Variants in FASLG observed in about 807,000 individuals in gnomAD.
The protein encoded by FASLG is tumor necrosis factor ligand superfamily member 6.
FASLG carries 9 observed loss-of-function variants against 24.6 expected under a neutral mutation model. The ratio of observed to expected loss-of-function variants is 0.37; its 90% CI spans 0.22 to 0.64. FASLG has a LOEUF of 0.64. Ranked by LOEUF, FASLG falls within the 30% of genes least tolerant of loss-of-function variation. FASLG has a pLI of 0.64. For synonymous variants in FASLG, 130 were observed against 135.5 expected (o/e 0.96, Z 0.28); for missense variants, 306 against 345.3 (o/e 0.89, Z 0.90).
Position 172,665,986 on chromosome 1 carries a change from T to G in FASLG, c.816T>G (p.Ser272=). 1 of 1,614,166 alleles carries G rather than the reference T, an allele frequency of 6.2e-7. No individual in the cohort carries two copies. Among genetic ancestry groups the G allele is most frequent in the Non-Finnish European group, 8.5e-7 (1 of 1,180,018 alleles). The change falls in exon 4 of 4, where the codon TCT becomes TCG. Residue 272 remains serine (S), a synonymous_variant. Coordinates refer to ENST00000367721, the MANE Select transcript of FASLG (RefSeq NM_000639.3). ...TCTCTCTGGTCAATTTTGAGGAATC[T>G]CAGACGTTTTTCGGCTTATATAAGC... ...SELSLVNFEE[S]QTFFGLYKL
intron 2 of FASLG, 29 bp downstream of exon 2, chr1:172,660,169 T>C (rs1437453647): frequency 6.2e-7 from 1 of 1,606,888 alleles, no homozygotes; most frequent in African/African-American, 1.3e-5. Context: ...GTACATTGAG[T>C]TCCCAAAGAT....
chr1:172,666,041 A>G lies in FASLG; in HGVS notation c.*25A>G, dbSNP rs1659255838. Reference sequence around the variant, plus strand: ...AGAGAAGCACTTTGGGATTCTTTCCATTATGATTCTTTGTTACAGGCACCG... The same window carrying G: ...AGAGAAGCACTTTGGGATTCTTTCCGTTATGATTCTTTGTTACAGGCACCG... On this transcript the variant is annotated 3_prime_UTR_variant, in exon 4 of 4. Transcript: ENST00000367721. 1 of 1,613,362 alleles carries G rather than the reference A, an allele frequency of 6.2e-7. No homozygotes were observed. The highest frequency in any genetic ancestry group is 1.3e-5 in the African/African-American group (1 of 74,898).
intron 2 of FASLG, among the ~76,000 whole-genome samples, chr1:172,664,088 G>A (rs1361015374): frequency 6.6e-6 from 1 of 152,092 alleles, no homozygotes; most frequent in Non-Finnish European, 1.5e-5. Flanking sequence ...TATTAATTAT[G>A]TTTTATTGTA....
chr1:172,660,016 G>T, intron 1 of FASLG, 79 bp from the exon 2 acceptor site: 1 of 1,425,240 alleles, frequency 7.0e-7, no homozygotes, highest in Non-Finnish European at 9.8e-7. Context: ...TCCAGGGCTT[G>T]GTTTATTTGA....
chr1:172,661,948 A>G (rs1659152027), intron 2 of FASLG, among the ~76,000 whole-genome samples: 1 of 152,164 alleles, frequency 6.6e-6, no homozygotes, highest in South Asian at 2.1e-4. Flanking sequence ...TCTTAAGAAA[A>G]TAATCAGAGA....
intron 2 of FASLG, among the ~76,000 whole-genome samples, chr1:172,662,540 C>T (rs555315622): frequency 6.6e-6 from 1 of 151,512 alleles, no homozygotes; most frequent in East Asian, 2.0e-4. Flanking sequence ...TAAGTACAAC[C>T]TGAGAATCTT....
At chr1:172,663,604 G>A (rs1022837680) in intron 2 of FASLG, among the ~76,000 whole-genome samples, 1 of 152,200 alleles carries the variant, frequency 6.6e-6, no homozygotes, top group Non-Finnish European at 1.5e-5. Context: ...CCCGTTGTGT[G>A]GCAATGCTCA....
chr1:172,665,799 A>C lies in FASLG; in HGVS notation c.629A>C (p.Lys210Thr). 6.2e-7 allele frequency: 1 copy of C among 1,614,168 alleles called. No individual in the cohort carries two copies. Residue 210 changes from lysine (K) to threonine (T), a missense_variant, in exon 4 of 4, where the codon AAG becomes ACG. Coordinates refer to ENST00000367721, the MANE Select transcript of FASLG (RefSeq NM_000639.3). Reference protein sequence around the residue: ...QSCNNLPLSHKVYMRNSKYPQ... With the variant: ...QSCNNLPLSHTVYMRNSKYPQ... ...TGCAACAACCTGCCCCTGAGCCACA[A>C]GGTCTACATGAGGAACTCTAAGTAT...
Position 172,665,910 on chromosome 1 carries a change from C to T in FASLG, c.740C>T (p.Ala247Val). The T allele has an allele frequency of 6.2e-7, 1 of 1,611,688 alleles. No individual in the cohort carries two copies. The highest frequency in any genetic ancestry group is 8.5e-7 in the Non-Finnish European group (1 of 1,178,100). Residue 247 changes from alanine (A) to valine (V), a missense_variant, in exon 4 of 4, where the codon GCA (alanine) becomes GTA (valine). Ala to Val is a moderately conservative substitution (Grantham distance 64). Coordinates refer to ENST00000367721, the MANE Select transcript of FASLG (RefSeq NM_000639.3). ...QMWARSSYLG[A>V]VFNLTSADHL... ...TGGGCCCGCAGCAGCTACCTGGGGG[C>T]AGTGTTCAATCTTACCAGTGCTGAT... is the stretch of plus-strand genomic sequence containing the variant.
chr1:172,665,418 C>T (rs2101810350), intron 3 of FASLG, among the ~76,000 whole-genome samples: 1 of 152,000 alleles, frequency 6.6e-6, no homozygotes, highest in East Asian at 1.9e-4. Flanking sequence ...ACTATTGTTC[C>T]AATTGTGTGG....
rs552315878 is a variant in FASLG, at chr1:172,666,130, C to G, written c.*114C>G. 3.1e-6 allele frequency: 4 copies of G among 1,303,324 alleles called. No individual in the cohort carries two copies. The African/African-American group carries it at 4.4e-5, about 14-fold the overall frequency. 80.7% of individuals were successfully genotyped at this position (1,303,324 alleles called of 1,614,324 possible). On this transcript the variant is annotated 3_prime_UTR_variant, in exon 4 of 4. Transcript: ENST00000367721. The stretch of plus-strand genomic sequence containing the variant: ...TGAGGTCAAGTAAGAAGACATGAAC[C>G]AAGTGGACCTTGAGACCACAGGGTT...
chr1:172,665,488 C>A, intron 3 of FASLG, 134 bp from the exon 4 acceptor site: 1 of 986,856 alleles, frequency 1.0e-6, no homozygotes, highest in Non-Finnish European at 1.5e-6. Flanking sequence ...TCTGACCCCT[C>A]AGCCAGTTCT....
rs923706661 is a variant in FASLG at position 172,666,397 on chromosome 1, C to T, written c.*381C>T. The T allele has an allele frequency of 4.6e-6, 1 of 215,978 alleles. No homozygotes were observed. Among genetic ancestry groups the T allele is most frequent in the African/African-American group, 2.3e-5 (1 of 44,264 alleles). 13.4% of individuals were successfully genotyped at this position (215,978 alleles called of 1,614,324 possible). ...CTCAAGGGGGACTGTCTTTCAGATACATGGTTGTGACCTGAGGATTTAAGG... is the reference window on the plus strand; with the variant it reads ...CTCAAGGGGGACTGTCTTTCAGATATATGGTTGTGACCTGAGGATTTAAGG... On this transcript the variant is annotated 3_prime_UTR_variant, in exon 4 of 4. Transcript: ENST00000367721.
intron 2 of FASLG, among the ~76,000 whole-genome samples, chr1:172,662,046 C>T (rs1408838454): frequency 6.6e-6 from 1 of 151,864 alleles, no homozygotes; most frequent in East Asian, 1.9e-4. Context: ...TTGAATGCCT[C>T]ATACGAGATT....
At position 172,666,128 on chromosome 1, in the gene FASLG, A is replaced by G; in HGVS notation, c.*112A>G. The G allele has an allele frequency of 7.6e-7, 1 of 1,308,916 alleles. No homozygotes were observed. Among genetic ancestry groups the G allele is most frequent in the Non-Finnish European group, 1.1e-6 (1 of 931,196 alleles). 81.1% of individuals were successfully genotyped at this position (1,308,916 alleles called of 1,614,324 possible). A position where few individuals can be genotyped will look rare whatever the true frequency, so the allele number is the denominator to read the frequency against. ...TTTGAGGTCAAGTAAGAAGACATGA[A>G]CCAAGTGGACCTTGAGACCACAGGG... On this transcript the variant is annotated 3_prime_UTR_variant, in exon 4 of 4. Coordinates refer to ENST00000367721, the MANE Select transcript of FASLG (RefSeq NM_000639.3).
chr1:172,666,628 T>A lies in FASLG; in HGVS notation c.*612T>A, dbSNP rs868507856. 7,346 of 154,222 alleles carry A rather than the reference T, an allele frequency of 0.048. 594 individuals are homozygous for A. The highest frequency in any genetic ancestry group is 0.17 in the African/African-American group (6,981 of 41,192). The allele number at this position is 154,222 out of a possible 1,614,324, so 9.6% of individuals were successfully genotyped here. On this transcript the variant is annotated 3_prime_UTR_variant, in exon 4 of 4. Transcript: ENST00000367721. The stretch of plus-strand genomic sequence containing the variant: ...GTGCAATTGTAGGGGTGTGTGTGTG[T>A]GTGTGTGTGTGTGTGTGTGTATGAC...
At chr1:172,660,243 T>C in intron 2 of FASLG, 103 bp downstream of exon 2, 1 of 1,165,026 alleles carries the variant, frequency 8.6e-7, no homozygotes, top group Non-Finnish European at 1.3e-6. Flanking sequence ...TTGGTTTCTG[T>C]ACACTATAAG....
At chr1:172,665,541 G>C in intron 3 of FASLG, 81 bp from the exon 4 acceptor site, 1 of 1,515,212 alleles carries the variant, frequency 6.6e-7, no homozygotes, top group Non-Finnish European at 9.1e-7. Flanking sequence ...TGAAGGAAGG[G>C]CCCACAGTTT....
Position 172,666,018 on chromosome 1 carries a change from A to G in FASLG, c.*2A>G. 6.2e-7 allele frequency: 1 copy of G among 1,614,088 alleles called. No homozygotes were observed. The highest frequency in any genetic ancestry group is 8.5e-7 in the Non-Finnish European group (1 of 1,180,024). ...TTTTTCGGCTTATATAAGCTCTAAG[A>G]GAAGCACTTTGGGATTCTTTCCATT... On this transcript the variant is annotated 3_prime_UTR_variant, in exon 4 of 4. Transcript: ENST00000367721.
Sources: gnomAD v4.1 joint callset for allele counts (sites outside exome capture counted in the v4.1 genomes callset) on GRCh38, gnomAD v4.1.1 for gene constraint, MANE v1.5 for transcripts, NCBI Gene and HGNC (gene_info 2026-07-23, HGNC 2026-07-21) for gene names.